The following MIDEAS variants were observed in gnomAD, a reference collection of about 807,000 sequenced individuals.
The protein encoded by MIDEAS is mitotic deacetylase-associated SANT domain protein.
In MIDEAS, 26 loss-of-function variants were observed where a neutral mutation model predicts 102.7. The ratio of observed to expected loss-of-function variants is 0.25; its 90% confidence interval spans 0.19 to 0.35. The LOEUF is 0.35. Among genes scored for constraint, MIDEAS ranks in the 10% least tolerant of loss-of-function variants. The pLI, the probability that MIDEAS is intolerant of heterozygous loss-of-function variation, is 1.00. For missense variants in MIDEAS, 1,231 were observed against 1,435.6 expected (o/e 0.86, Z 2.30); for synonymous variants, 585 against 591.0 (o/e 0.99, Z 0.15).
intron 9 of MIDEAS, chr14:73,723,102 G>A: frequency 3.0e-6 from 1 of 331,874 alleles, no homozygotes. Flanking sequence ...GAACCACTCG[G>A]GAGATGGCAA....
intron 1 of MIDEAS, among the ~76,000 whole-genome samples, chr14:73,753,783 G>C (rs888031035): frequency 2.6e-5 from 4 of 152,174 alleles, no homozygotes; most frequent in Non-Finnish European, 5.9e-5. Context: ...CCAGGAGAGA[G>C]AGGTCTGGCC....
At position 73,718,930 on chromosome 14, in the gene MIDEAS, C is replaced by A; in HGVS notation, c.3213G>T (p.Arg1071Ser). 6.5e-7 allele frequency: 1 copy of A among 1,526,772 alleles called. No individual in the cohort carries two copies. The highest frequency in any genetic ancestry group is 1.2e-5 in the South Asian group (1 of 83,098). 94.6% of individuals were successfully genotyped at this position (1,526,772 alleles called of 1,614,324 possible). Residue 1071 changes from arginine (R) to serine (S), a missense_variant, in exon 13 of 13, where the codon AGG (arginine) becomes AGT (serine). Around this residue, in one of 5 missense-constraint regions of MIDEAS, gnomAD observed 71 missense variants for 51.9 expected, o/e 1.37. Transcript: ENST00000423556. ...CAGCAGCGGCCTCTTTCTCCTTCAGCCTCAGCGCTGCAGCCTTCTTCTCCT... is the reference window on the plus strand; with the variant it reads ...CAGCAGCGGCCTCTTTCTCCTTCAGACTCAGCGCTGCAGCCTTCTTCTCCT... ...AEQEKKAAAL[R>S]LKEKEAAAAA...
At chr14:73,766,148 T>TC (rs1470274609) in intron 1 of MIDEAS, among the ~76,000 whole-genome samples, 1 of 152,176 alleles carries the variant, frequency 6.6e-6, no homozygotes, top group Non-Finnish European at 1.5e-5. Context: ...TTCCCTAAAC[T>TC]CCCATGGCAT....
chr14:73,719,019 G>C lies in MIDEAS; in HGVS notation c.3135-11C>G. 6.8e-7 allele frequency: 1 copy of C among 1,470,028 alleles called. No homozygotes were observed. Among genetic ancestry groups the C allele is most frequent in the Non-Finnish European group, 8.9e-7 (1 of 1,118,080 alleles). 91.1% of individuals were successfully genotyped at this position (1,470,028 alleles called of 1,614,324 possible). The stretch of plus-strand genomic sequence containing the variant: ...ACCTTGTAAAACACCCTGCAGCCGG[G>C]TGGGGGTTGCTCAGAACCGGCCTAG... On this transcript the variant is annotated splice_polypyrimidine_tract_variant and intron_variant, in intron 12 of 12. Coordinates refer to ENST00000423556, the MANE Select transcript of MIDEAS (RefSeq NM_001367710.1).
At chr14:73,747,656 C>T (rs1034278958) in intron 1 of MIDEAS, among the ~76,000 whole-genome samples, 3 of 150,224 alleles carry the variant, frequency 2.0e-5, no homozygotes, top group African/African-American at 7.4e-5. Context: ...TGCAATAAAA[C>T]CCACCCTGAG....
chr14:73,778,944 A>T (rs561685661), intron 1 of MIDEAS, among the ~76,000 whole-genome samples: 1 of 152,162 alleles, frequency 6.6e-6, no homozygotes, highest in Admixed American at 6.5e-5. Flanking sequence ...ACACAGGACA[A>T]TGGAATCTGT....
chr14:73,786,517 AG>A (rs1197800742), intron 1 of MIDEAS, among the ~76,000 whole-genome samples: 3 of 152,288 alleles, frequency 2.0e-5, no homozygotes, highest in Admixed American at 6.5e-5. Flanking sequence ...GGAAGGGTAA[AG>A]GGGGAGTCAG....
At chr14:73,753,122 C>T (rs1026078994) in intron 1 of MIDEAS, among the ~76,000 whole-genome samples, 1 of 152,248 alleles carries the variant, frequency 6.6e-6, no homozygotes, top group African/African-American at 2.4e-5. Context: ...TTCCCCTCTT[C>T]CTGTGCATGT....
intron 1 of MIDEAS, among the ~76,000 whole-genome samples, chr14:73,785,725 C>G (rs767235306): frequency 6.6e-6 from 1 of 152,086 alleles, no homozygotes; most frequent in Non-Finnish European, 1.5e-5. Context: ...CTGACGTCAT[C>G]CCACATTTTC....
intron 5 of MIDEAS, 80 bp downstream of exon 5, chr14:73,727,378 G>A: frequency 2.0e-6 from 3 of 1,474,706 alleles, no homozygotes; most frequent in East Asian, 4.5e-5. Flanking sequence ...GAACCCTCCT[G>A]TTGCTCCCAG....
Position 73,736,349 on chromosome 14 carries a change from C to T in MIDEAS, c.1749+649G>A, listed in dbSNP as rs76591409. ...AAACCTCAATCTTAGAAGGAGATGT[C>T]GGCCAGGCGCGGTGGCTCACACCTG... On this transcript the variant is annotated intron_variant, in intron 3 of 12. Coordinates refer to ENST00000423556, the MANE Select transcript of MIDEAS (RefSeq NM_001367710.1). 5.5e-3 allele frequency among the ~76,000 whole-genome samples: 829 copies of T among 151,340 alleles called. 5 individuals are homozygous for T. The highest frequency in any genetic ancestry group is 0.019 in the African/African-American group (789 of 41,278).
chr14:73,716,850 A>C lies in MIDEAS; in HGVS notation c.*1993T>G, dbSNP rs1243287982. ...AAAGACCTTGGGAAACATAAGTAGC[A>C]CTTTGGGGCTAAGCTGCGAAGGCAC... is the stretch of plus-strand genomic sequence containing the variant. On this transcript the variant is annotated 3_prime_UTR_variant, in exon 13 of 13. Coordinates refer to ENST00000423556, the MANE Select transcript of MIDEAS (RefSeq NM_001367710.1). 6.6e-6 allele frequency: 1 copy of C among 152,572 alleles called. No homozygotes were observed. Among genetic ancestry groups the C allele is most frequent in the Non-Finnish European group, 1.5e-5 (1 of 68,042 alleles). 9.5% of individuals were successfully genotyped at this position (152,572 alleles called of 1,614,324 possible).
At chr14:73,768,303 C>T (rs2053609295) in intron 1 of MIDEAS, among the ~76,000 whole-genome samples, 2 of 152,108 alleles carry the variant, frequency 1.3e-5, no homozygotes, top group Non-Finnish European at 2.9e-5. Context: ...AACAGCTCTG[C>T]CAAGGTCATA....
At chr14:73,753,404 T>C (rs748488513) in intron 1 of MIDEAS, among the ~76,000 whole-genome samples, 2 of 152,188 alleles carry the variant, frequency 1.3e-5, no homozygotes, top group Admixed American at 6.5e-5. Flanking sequence ...AGGGTAAAAG[T>C]AGTCAGGGGC....
intron 3 of MIDEAS, among the ~76,000 whole-genome samples, chr14:73,735,435 T>C (rs2053189154): frequency 6.6e-6 from 1 of 152,214 alleles, no homozygotes; most frequent in East Asian, 1.9e-4. Context: ...ACTGCTGGCC[T>C]CAAGTGATCC....
In MIDEAS at chr14:73,726,699, G is replaced by C. The variant is rs781668774; in HGVS notation, c.2314C>G (p.Leu772Val). ...ATGCTGGAGCAGGCGGCTGTCAGCA[G>C]GTCTTCCACTGGATCCACAGGAGCA... ...SREKQRQVEDLLTAACSSIFP... is the reference protein window; with the variant it reads ...SREKQRQVEDVLTAACSSIFP... The change falls in exon 7 of 13, where the codon CTG (leucine) becomes GTG (valine). Residue 772 changes from leucine to valine, a missense_variant. Leu to Val is a conservative substitution (Grantham distance 32). Around this residue, in one of 5 missense-constraint regions of MIDEAS, gnomAD observed 391 missense variants for 483.0 expected, o/e 0.81. Transcript: ENST00000423556. 6.2e-7 allele frequency: 1 copy of C among 1,614,236 alleles called. No individual in the cohort carries two copies. The highest frequency in any genetic ancestry group is 8.5e-7 in the Non-Finnish European group (1 of 1,180,042).
chr14:73,729,280 A>T (rs2053105415), intron 4 of MIDEAS: 1 of 197,898 alleles, frequency 5.1e-6, no homozygotes, highest in Non-Finnish European at 1.0e-5. Flanking sequence ...GAACCAAAGG[A>T]AACTACTATT....
Position 73,739,765 on chromosome 14 carries a change from G to A in MIDEAS, c.244C>T (p.Arg82Trp), listed in dbSNP as rs368267089. 14 of 1,613,736 alleles carry A rather than the reference G, an allele frequency of 8.7e-6. No individual in the cohort carries two copies. The highest frequency in any genetic ancestry group is 2.2e-5 in the East Asian group (1 of 44,882). ...LLNSVVYGPE[R>W]TSAAMLSQQV... The stretch of plus-strand genomic sequence containing the variant: ...TGGGACAGCATGGCTGCTGAGGTCC[G>A]CTCAGGCCCATATACCACAGAGTTC... Residue 82 changes from arginine (R) to tryptophan (W), a missense_variant, in exon 2 of 13, where the codon CGG (arginine) becomes TGG (tryptophan). Transcript: ENST00000423556.
rs1370665216 is a variant in MIDEAS, at chr14:73,737,197, C to T, written c.1550G>A (p.Arg517Gln). The change falls in exon 3 of 13, where the codon CGA becomes CAA. Residue 517 changes from arginine (R) to glutamine (Q), a missense_variant. Coordinates refer to ENST00000423556, the MANE Select transcript of MIDEAS (RefSeq NM_001367710.1). ...GAGGGGTACCATCCCACTGTCTTCT[C>T]GTGCTCGCTTGGTGGCTAAGGAAGG... Reference protein sequence around the residue: ...SEPSLATKRAREDSGMVPLII... With the variant: ...SEPSLATKRAQEDSGMVPLII... 4 of 1,614,186 alleles carry T rather than the reference C, an allele frequency of 2.5e-6. No homozygotes were observed. The highest frequency in any genetic ancestry group is 2.2e-5 in the South Asian group (2 of 91,072).
Sources: gnomAD v4.1 joint callset for allele counts (sites outside exome capture counted in the v4.1 genomes callset) on GRCh38, gnomAD v4.1.1 for gene constraint, gnomAD v4.1.1 regional missense constraint, MANE v1.5 for transcripts, NCBI Gene and HGNC (gene_info 2026-07-23, HGNC 2026-07-21) for gene names.